DOK5: variants seen among roughly 807,000 people sequenced by gnomAD.
DOK5 encodes downstream of tyrosine kinase 5.
DOK5 carries 27 observed loss-of-function variants against 43.3 expected under a neutral mutation model. The observed-to-expected ratio is 0.62, with a 90% CI of 0.46 to 0.86. The LOEUF (loss-of-function observed/expected upper bound fraction) is 0.86, where lower values mean the gene tolerates loss of function less well. Among genes scored for constraint, DOK5 ranks in the 40% least tolerant of loss-of-function variants. The probability of loss-of-function intolerance (pLI) is 0.00; values close to 1 mark genes in which losing one functional copy is unlikely to be tolerated. For missense variants in DOK5, 373 were observed against 392.9 expected, an observed-to-expected ratio of 0.95 and a Z score of 0.43; for synonymous variants, 146 against 140.1, an observed-to-expected ratio of 1.04 and a Z score of -0.30.
At chr20:54,649,027 A>G (rs1979575982) in intron 7 of DOK5, among the ~76,000 whole-genome samples, 2 of 152,236 alleles carry the variant, frequency 1.3e-5, no homozygotes, top group Non-Finnish European at 2.9e-5. Context: ...CACCTATATC[A>G]TAGATCGGAC....
intron 2 of DOK5, among the ~76,000 whole-genome samples, chr20:54,576,792 A>G (rs1037710767): frequency 2.0e-5 from 3 of 152,214 alleles, no homozygotes; most frequent in Non-Finnish European, 4.4e-5. Flanking sequence ...TTCACATCTT[A>G]AAGTCCAAGT....
chr20:54,567,754 A>G (rs558600242), intron 2 of DOK5, among the ~76,000 whole-genome samples: 1 of 152,290 alleles, frequency 6.6e-6, no homozygotes, highest in South Asian at 2.1e-4. Context: ...TGTTAAGCCT[A>G]TAGAGCAAAT....
intron 2 of DOK5, among the ~76,000 whole-genome samples, chr20:54,576,035 T>C (rs956912386): frequency 6.6e-6 from 1 of 151,950 alleles, no homozygotes; most frequent in Non-Finnish European, 1.5e-5. Flanking sequence ...GGAGAAACGA[T>C]CAGAGGCAGA....
At chr20:54,563,433 G>A (rs1217502579) in intron 2 of DOK5, among the ~76,000 whole-genome samples, 1 of 152,092 alleles carries the variant, frequency 6.6e-6, no homozygotes, top group African/African-American at 2.4e-5. Flanking sequence ...GAAAGTTAAT[G>A]GTTTGGCTCA....
intron 5 of DOK5, among the ~76,000 whole-genome samples, chr20:54,601,006 A>G (rs149029873): frequency 9.2e-5 from 14 of 152,358 alleles, no homozygotes; most frequent in African/African-American, 3.4e-4. Flanking sequence ...CATGTGGGTA[A>G]CAGTGAATAT....
intron 1 of DOK5, among the ~76,000 whole-genome samples, chr20:54,545,133 T>G (rs1984295266): frequency 6.6e-6 from 1 of 152,228 alleles, no homozygotes; most frequent in Non-Finnish European, 1.5e-5. Context: ...AAAGGCAAGA[T>G]GAGGGCTGAT....
In DOK5 at chr20:54,598,819, GA is replaced by G. The variant is rs1600726363; in HGVS notation, c.599+7019del. 2.0e-5 allele frequency among the ~76,000 whole-genome samples: 3 copies of G among 152,096 alleles called. No individual in the cohort carries two copies. The South Asian group carries it at 6.2e-4, about 32-fold the overall frequency. On this transcript the variant is annotated intron_variant, in intron 5 of 7. Coordinates refer to ENST00000262593, the MANE Select transcript of DOK5 (RefSeq NM_018431.5). ...TAAATGGAGTTCACAAGCGGTTTTT[GA>G]AAAAGATTTTTATTTATTTGGATAT...
intron 6 of DOK5, among the ~76,000 whole-genome samples, chr20:54,628,358 G>A (rs910401559): frequency 7.8e-6 from 1 of 127,822 alleles, no homozygotes; most frequent in Non-Finnish European, 1.6e-5. Context: ...GCAGTGAGCC[G>A]AGATCGCGCC....
chr20:54,579,099 C>T (rs1239786145), intron 2 of DOK5, among the ~76,000 whole-genome samples: 1 of 152,114 alleles, frequency 6.6e-6, no homozygotes, highest in African/African-American at 2.4e-5. Flanking sequence ...GACTTTTAGG[C>T]ATTTGTCATT....
At chr20:54,483,083 G>T (rs1981789918) in intron 1 of DOK5, among the ~76,000 whole-genome samples, 1 of 152,172 alleles carries the variant, frequency 6.6e-6, no homozygotes, top group Non-Finnish European at 1.5e-5. Context: ...GTCTTCATCT[G>T]ATTGTCCATG....
intron 1 of DOK5, among the ~76,000 whole-genome samples, chr20:54,485,285 G>A (rs762430592): frequency 5.9e-5 from 9 of 151,760 alleles, no homozygotes; most frequent in Admixed American, 2.0e-4. Flanking sequence ...AGTGAGCGGC[G>A]GAGGTTGCAG....
Position 54,498,005 on chromosome 20 carries a change from T to A in DOK5, c.66+21993T>A, listed in dbSNP as rs192083516. On this transcript the variant is annotated intron_variant, in intron 1 of 7. Coordinates refer to ENST00000262593, the MANE Select transcript of DOK5 (RefSeq NM_018431.5). ...TTTTGAAAATCCCTTCTCTATGTCGTAAGGGTACATACTCAGATATTGTAT... is the reference window on the plus strand; with the variant it reads ...TTTTGAAAATCCCTTCTCTATGTCGAAAGGGTACATACTCAGATATTGTAT... Among the ~76,000 whole-genome samples, 42 of 152,320 alleles carry A rather than the reference T, an allele frequency of 2.8e-4. No homozygotes were observed. The East Asian group carries it at 7.7e-3, about 28-fold the overall frequency.
chr20:54,616,263 C>A (rs1045138097), intron 6 of DOK5, among the ~76,000 whole-genome samples: 1 of 152,190 alleles, frequency 6.6e-6, no homozygotes, highest in East Asian at 1.9e-4. Flanking sequence ...GCTGACATAA[C>A]CCCTGCCTTA....
chr20:54,586,032 G>T (rs1197755670), intron 2 of DOK5, among the ~76,000 whole-genome samples: 1 of 152,210 alleles, frequency 6.6e-6, no homozygotes, highest in Non-Finnish European at 1.5e-5. Flanking sequence ...GCTGAAGCAG[G>T]AGAATCGCTT....
In DOK5 at chr20:54,588,747, A is replaced by G. The variant is rs748807469; in HGVS notation, c.350A>G (p.Asn117Ser). 1.9e-6 allele frequency: 3 copies of G among 1,614,096 alleles called. No individual in the cohort carries two copies. The Admixed American group carries it at 5.0e-5, about 27-fold the overall frequency. The part of the protein sequence containing the change: ...LQMECVGTRI[N>S]DISLGEPDLL... ...ATGGAGTGTGTAGGAACACGGATCAATGACATCAGCCTTGGAGAGCCTGAC... is the reference window on the plus strand; with the variant it reads ...ATGGAGTGTGTAGGAACACGGATCAGTGACATCAGCCTTGGAGAGCCTGAC... Residue 117 changes from asparagine to serine, a missense_variant, in exon 4 of 8, where the codon AAT becomes AGT. Asn to Ser is a conservative substitution (Grantham distance 46). Coordinates refer to ENST00000262593, the MANE Select transcript of DOK5 (RefSeq NM_018431.5).
chr20:54,528,579 T>C (rs879582200), intron 1 of DOK5, among the ~76,000 whole-genome samples: 5 of 152,218 alleles, frequency 3.3e-5, no homozygotes, highest in African/African-American at 4.8e-5. Flanking sequence ...AAAAGCCTTC[T>C]TGGAAAGCTC....
At chr20:54,486,426 G>T (rs572070793) in intron 1 of DOK5, among the ~76,000 whole-genome samples, 86 of 151,750 alleles carry the variant, frequency 5.7e-4, no homozygotes, top group South Asian at 1.5e-3. Flanking sequence ...TTGAAATAGG[G>T]CACACTGATC....
At chr20:54,531,511 G>A (rs947298234) in intron 1 of DOK5, among the ~76,000 whole-genome samples, 21 of 152,154 alleles carry the variant, frequency 1.4e-4, no homozygotes, top group African/African-American at 4.8e-4. Context: ...GCAATATTCA[G>A]CAACCTCCTA....
At chr20:54,643,634 AG>A in intron 7 of DOK5, 56 bp downstream of exon 7, 1 of 1,567,082 alleles carries the variant, frequency 6.4e-7, no homozygotes, top group Non-Finnish European at 8.6e-7. Flanking sequence ...AGTACTGGGG[AG>A]GGGGCTCAGC....
Sources: allele counts gnomAD v4.1 joint callset (sites outside exome capture counted in the v4.1 genomes callset), GRCh38; gene constraint gnomAD v4.1.1; transcripts MANE v1.5; gene names NCBI Gene and HGNC (gene_info 2026-07-23, HGNC 2026-07-21).